ZNF48: variants seen among roughly 807,000 people sequenced by gnomAD.
The protein encoded by ZNF48 is zinc finger protein 48, also known as zinc finger protein 553.
ZNF48 carries 20 observed loss-of-function variants against 40.0 expected under a neutral mutation model. That is an observed-to-expected ratio of 0.50 (90% confidence interval 0.35 to 0.73). The LOEUF is 0.73. ZNF48 is among the 30% of genes least tolerant of loss of function. The pLI, the probability that ZNF48 is intolerant of heterozygous loss-of-function variation, is 0.01. For missense variants in ZNF48, 726 were observed against 851.9 expected (o/e 0.85, Z 1.84); for synonymous variants, 298 against 329.7 (o/e 0.90, Z 1.04).
rs914704254 is a variant in ZNF48 at position 30,398,451 on chromosome 16, C to T, written c.1201C>T (p.Pro401Ser). The change falls in exon 3 of 3, where the codon CCA becomes TCA. Residue 401 changes from proline to serine, a missense_variant. Transcript: ENST00000613509. The surrounding 1 kb of genome is among the most constrained non-coding windows in gnomAD (Gnocchi z 6.6). ...GYPLPALIPS[P>S]PPPPLGTSPP... ...TCCCCTACCCGCTCTGATCCCCAGC[C>T]CACCCCCACCTCCTCTGGGCACCAG... The T allele has an allele frequency of 1.9e-6, 3 of 1,591,100 alleles. No individual in the cohort carries two copies. In the African/African-American group the frequency reaches 4.0e-5, roughly 21 times the overall value.
upstream of ZNF48, among the ~76,000 whole-genome samples, chr16:30,391,104 A>G (rs1355722224): frequency 6.6e-6 from 1 of 152,172 alleles, no homozygotes; most frequent in Non-Finnish European, 1.5e-5. Flanking sequence ...CGGCACATTA[A>G]AACGGAACTA....
chr16:30,380,173 G>C, intron 1 of ZNF48: 1 of 576,186 alleles, frequency 1.7e-6, no homozygotes, highest in Non-Finnish European at 2.8e-6. Context: ...GGGAGAGATG[G>C]ACATACAGGA....
chr16:30,378,406 C>T (rs749835595), exon 1 of ZNF48: 3 of 1,538,760 alleles, frequency 1.9e-6, no homozygotes, highest in Middle Eastern at 2.1e-4. Context: ...GAAGGCGGAG[C>T]CGAGGTAAGG....
chr16:30,383,508 A>G (rs1331043899), intron 1 of ZNF48, among the ~76,000 whole-genome samples: 2 of 152,170 alleles, frequency 1.3e-5, no homozygotes, highest in African/African-American at 4.8e-5. Flanking sequence ...TCAAAAAAAG[A>G]AAAAGAAAAA....
In ZNF48 at chr16:30,398,581, C is replaced by G. The variant is rs768696139; in HGVS notation, c.1331C>G (p.Pro444Arg). The G allele has an allele frequency of 1.2e-6, 2 of 1,611,898 alleles. No individual in the cohort carries two copies. The highest frequency in any genetic ancestry group is 1.7e-6 in the Non-Finnish European group (2 of 1,179,706). Reference protein sequence around the residue: ...GGPQAGEPPPPLAGDKPHKCP... With the variant: ...GGPQAGEPPPRLAGDKPHKCP... ...CCACAGGCTGGGGAGCCACCCCCAC[C>G]ACTGGCGGGCGACAAGCCCCACAAG... The change falls in exon 3 of 3, where the codon CCA becomes CGA. Residue 444 changes from proline to arginine, a missense_variant. Coordinates refer to ENST00000613509, the MANE Select transcript of ZNF48 (RefSeq NM_001214909.2). The surrounding 1 kb of genome is among the most constrained non-coding windows in gnomAD (Gnocchi z 6.6).
intron 1 of ZNF48, among the ~76,000 whole-genome samples, chr16:30,386,494 G>A (rs1323252284): frequency 6.6e-6 from 1 of 151,924 alleles, no homozygotes; most frequent in Non-Finnish European, 1.5e-5. Flanking sequence ...GGAACATGGT[G>A]AAACCCCATG....
At chr16:30,396,982 C>T (rs1182442402) in intron 2 of ZNF48, among the ~76,000 whole-genome samples, 1 of 152,032 alleles carries the variant, frequency 6.6e-6, no homozygotes, top group Non-Finnish European at 1.5e-5. Context: ...GTGAGCCACC[C>T]TGCTGGCCTG....
Position 30,398,422 on chromosome 16 carries a change from G to A in ZNF48, c.1172G>A (p.Gly391Asp). The A allele has an allele frequency of 6.2e-7, 1 of 1,606,614 alleles. No individual in the cohort carries two copies. The highest frequency in any genetic ancestry group is 1.7e-5 in the Admixed American group (1 of 59,744). Residue 391 changes from glycine (G) to aspartate (D), a missense_variant, in exon 3 of 3, where the codon GGC (glycine) becomes GAC (aspartate). Gly to Asp is a moderately conservative substitution (Grantham distance 94, BLOSUM62 -1). Transcript: ENST00000613509. The surrounding 1 kb of genome is among the most constrained non-coding windows in gnomAD (Gnocchi z 6.6). ...HMEPQDFSFP[G>D]YPLPALIPSP... ...GAGCCCCAGGACTTCAGCTTCCCAG[G>A]CTATCCCCTACCCGCTCTGATCCCC...
chr16:30,386,899 C>G (rs1186665601), intron 1 of ZNF48, among the ~76,000 whole-genome samples: 1 of 149,966 alleles, frequency 6.7e-6, no homozygotes, highest in Non-Finnish European at 1.5e-5. Flanking sequence ...TCCGGCATCC[C>G]AAAGTGCTGG....
intron 1 of ZNF48, chr16:30,379,162 T>C: frequency 1.2e-6 from 2 of 1,613,988 alleles, no homozygotes; most frequent in Non-Finnish European, 1.7e-6. Flanking sequence ...GTTCAGGAAA[T>C]CGCAGTGATG....
Position 30,395,890 on chromosome 16 carries a change from T to C in ZNF48, c.79+17T>C, listed in dbSNP as rs1393931099. 1 of 1,513,828 alleles carries C rather than the reference T, an allele frequency of 6.6e-7. No homozygotes were observed. The highest frequency in any genetic ancestry group is 8.8e-7 in the Non-Finnish European group (1 of 1,132,162). 93.8% of individuals were successfully genotyped at this position (1,513,828 alleles called of 1,614,324 possible). On this transcript the variant is annotated intron_variant, in intron 2 of 2. Coordinates refer to ENST00000613509, the MANE Select transcript of ZNF48 (RefSeq NM_001214909.2). This position sits in a 1 kb window ranked among gnomAD's most constrained non-coding sequence, Gnocchi z 5.9. ...CCCGCACAGGTGAGGGCCTCGGCCG[T>C]GCGCCGCCACGGACAGGTAACGGCC...
At chr16:30,394,133 G>A (rs1280316676), upstream of ZNF48, among the ~76,000 whole-genome samples, 2 of 151,938 alleles carry the variant, frequency 1.3e-5, no homozygotes, top group South Asian at 2.1e-4. Context: ...GAATGCCCAG[G>A]TTCAGGGAAT....
upstream of ZNF48, among the ~76,000 whole-genome samples, chr16:30,392,271 C>T (rs1217125890): frequency 6.6e-6 from 1 of 152,194 alleles, no homozygotes; most frequent in Non-Finnish European, 1.5e-5. Context: ...GATCCACCCA[C>T]ATCGGCATCC....
rs374095744 is a variant in ZNF48, at chr16:30,399,073, C to T, written c.1823C>T (p.Pro608Leu). The change falls in exon 3 of 3, where the codon CCC (proline) becomes CTC (leucine). Residue 608 changes from proline to leucine, a missense_variant. Physicochemically the swap from Pro to Leu is moderately conservative, Grantham distance 98 (BLOSUM62 -3). This residue lies in a region of ZNF48 where 166 missense variants were observed against 163.6 expected (regional missense o/e 1.01). Transcript: ENST00000613509. ...GGGATAGGGGATGGTAGGGCAAGGC[C>T]CCTCAAGCAGGAGGCAGCAACAGGA... ...PFGIGDGRAR[P>L]LKQEAATGLE is the part of the protein sequence containing the mutation. 6.2e-7 allele frequency: 1 copy of T among 1,602,300 alleles called. No homozygotes were observed. Among genetic ancestry groups the T allele is most frequent in the East Asian group, 2.2e-5 (1 of 44,744 alleles).
rs1456422199 is a variant in ZNF48 at position 30,382,306 on chromosome 16, C to A, written c.-16+3896C>A. 1 of 1,613,746 alleles carries A rather than the reference C, an allele frequency of 6.2e-7. No individual in the cohort carries two copies. The highest frequency in any genetic ancestry group is 8.5e-7 in the Non-Finnish European group (1 of 1,179,828). ...CCATTAGCGTGAAGTCAAACCCCTT[C>A]TTGACAGACTTGCGGTGCAGCTGGT... On this transcript the variant is annotated intron_variant, in intron 1 of 2. Transcript: ENST00000528032. The surrounding 1 kb of genome is among the most constrained non-coding windows in gnomAD (Gnocchi z 4.8).
upstream of ZNF48, among the ~76,000 whole-genome samples, chr16:30,391,717 G>A (rs913214010): frequency 4.0e-5 from 6 of 150,772 alleles, no homozygotes; most frequent in East Asian, 2.0e-4. Flanking sequence ...AACTGGTCTC[G>A]AACTCCTGAC....
chr16:30,386,394 C>T (rs1365007861), intron 1 of ZNF48, among the ~76,000 whole-genome samples: 3 of 149,526 alleles, frequency 2.0e-5, no homozygotes, highest in Admixed American at 6.7e-5. Context: ...AAATGTGGGC[C>T]GGGAGTGGTG....
At chr16:30,389,594 C>G (rs1392200988) in intron 1 of ZNF48, among the ~76,000 whole-genome samples, 2 of 148,022 alleles carry the variant, frequency 1.4e-5, no homozygotes, top group Non-Finnish European at 3.0e-5. Context: ...AAAAAAGGCT[C>G]TTGCTTGGTC....
At chr16:30,386,510 A>G (rs1880154127) in intron 1 of ZNF48, among the ~76,000 whole-genome samples, 1 of 151,906 alleles carries the variant, frequency 6.6e-6, no homozygotes, top group Non-Finnish European at 1.5e-5. Context: ...CCATGTCTAC[A>G]AAAAATACAA....
Sources: gnomAD v4.1 joint callset for allele counts (sites outside exome capture counted in the v4.1 genomes callset) on GRCh38, gnomAD v4.1.1 for gene constraint, gnomAD v4.1.1 regional missense constraint, Gnocchi (gnomAD v3.1) non-coding constraint, MANE v1.5 for transcripts, NCBI Gene and HGNC (gene_info 2026-07-23, HGNC 2026-07-21) for gene names.